Variants in RPRD2 observed in about 807,000 individuals in gnomAD.
RPRD2 encodes the protein regulation of nuclear pre-mRNA domain containing 2, also known as regulation of nuclear pre-mRNA domain-containing protein 2.
RPRD2 carries 12 observed loss-of-function variants against 104.4 expected under a neutral mutation model. The observed-to-expected ratio is 0.11, with a 90% CI of 0.07 to 0.19. The LOEUF is 0.19. RPRD2 is among the 10% of genes least tolerant of loss of function. RPRD2 has a pLI of 1.00. For missense variants in RPRD2, 1,543 were observed against 1,790.1 expected (o/e 0.86, Z 2.49); for synonymous variants, 714 against 684.9 (o/e 1.04, Z -0.66).
chr1:150,416,045 G>T (rs1553888504), intron 1 of RPRD2, among the ~76,000 whole-genome samples: 1 of 152,152 alleles, frequency 6.6e-6, no homozygotes, highest in African/African-American at 2.4e-5. Context: ...AGCATTGCGG[G>T]CCCAGGTGAA....
At chr1:150,404,922 C>T (rs1361891159) in intron 1 of RPRD2, among the ~76,000 whole-genome samples, 1 of 152,156 alleles carries the variant, frequency 6.6e-6, no homozygotes, top group Non-Finnish European at 1.5e-5. Flanking sequence ...TTATTAGTCC[C>T]TTGAATTCAG....
chr1:150,465,991 C>A (rs111536367), intron 10 of RPRD2, among the ~76,000 whole-genome samples: 6,533 of 130,702 alleles, frequency 0.05, 392 homozygotes, highest in African/African-American at 0.15. Context: ...CCAGCCTGGA[C>A]GACAGAGCAA....
chr1:150,412,732 A>G (rs1343826635), intron 1 of RPRD2, among the ~76,000 whole-genome samples: 4 of 152,130 alleles, frequency 2.6e-5, no homozygotes, highest in Non-Finnish European at 5.9e-5. Flanking sequence ...TAATTGGACA[A>G]TTTTGCATAT....
At chr1:150,366,246 T>G (rs1553877133) in intron 1 of RPRD2, among the ~76,000 whole-genome samples, 1 of 152,276 alleles carries the variant, frequency 6.6e-6, no homozygotes, top group Non-Finnish European at 1.5e-5. Context: ...TTATTCTGCC[T>G]TATTCCACTT....
intron 2 of RPRD2, among the ~76,000 whole-genome samples, chr1:150,439,690 A>G (rs1307193801): frequency 6.7e-6 from 1 of 148,530 alleles, no homozygotes; most frequent in African/African-American, 2.5e-5. Flanking sequence ...GAGAGGTTAC[A>G]TTCCTGTTTT....
intron 10 of RPRD2, among the ~76,000 whole-genome samples, chr1:150,467,715 G>A (rs1346602037): frequency 6.6e-6 from 1 of 152,106 alleles, no homozygotes; most frequent in Non-Finnish European, 1.5e-5. Context: ...ACAGAACTAG[G>A]TTCCTTATGG....
At chr1:150,386,698 G>A (rs1209345320) in intron 1 of RPRD2, among the ~76,000 whole-genome samples, 1 of 152,044 alleles carries the variant, frequency 6.6e-6, no homozygotes, top group Non-Finnish European at 1.5e-5. Flanking sequence ...TGAAAAATAT[G>A]AGAACCACAA....
Position 150,460,085 on chromosome 1 carries a change from A to G in RPRD2, c.1179A>G (p.Ala393=), listed in dbSNP as rs141722937. The stretch of plus-strand genomic sequence containing the variant: ...TCGAGGACAGGAAGGAAAAACCTGC[A>G]GAGAAGTCAGCTGTATCCACTTCTG... The part of the protein sequence containing the change: ...IIVEDRKEKP[A]EKSAVSTSVP... The change falls in exon 9 of 11, where the codon GCA becomes GCG. Residue 393 remains alanine, a synonymous_variant. Transcript: ENST00000369068. 2 of 1,614,004 alleles carry G rather than the reference A, an allele frequency of 1.2e-6. No homozygotes were observed. Among genetic ancestry groups the G allele is most frequent in the Non-Finnish European group, 1.7e-6 (2 of 1,179,866 alleles).
intron 4 of RPRD2, among the ~76,000 whole-genome samples, chr1:150,442,667 ATCT>A (rs1444877320): frequency 1.3e-5 from 2 of 152,210 alleles, no homozygotes; most frequent in Non-Finnish European, 2.9e-5. Flanking sequence ...GTCCTCAGAC[ATCT>A]TCTTGGTCAT....
At chr1:150,439,437 G>T (rs751555063) in intron 2 of RPRD2, among the ~76,000 whole-genome samples, 12 of 151,918 alleles carry the variant, frequency 7.9e-5, no homozygotes, top group Admixed American at 7.9e-4. Flanking sequence ...CCAAGATCAT[G>T]CCACCATAGT....
chr1:150,388,375 C>CGTATACACATGTGTATACGT (rs33946912), intron 1 of RPRD2, among the ~76,000 whole-genome samples: 1 of 142,962 alleles, frequency 7.0e-6, no homozygotes, highest in Non-Finnish European at 1.5e-5. Flanking sequence ...CATGTATACA[C>CGTATACACATGTGTATACGT]ATATACACGT....
chr1:150,459,159 T>C (rs1553898259), intron 8 of RPRD2, among the ~76,000 whole-genome samples: 1 of 152,224 alleles, frequency 6.6e-6, no homozygotes, highest in Admixed American at 6.5e-5. Flanking sequence ...GAATTGTTTC[T>C]CTTATATCCC....
At chr1:150,399,492 C>T (rs964088515) in intron 1 of RPRD2, among the ~76,000 whole-genome samples, 1 of 152,162 alleles carries the variant, frequency 6.6e-6, no homozygotes, top group African/African-American at 2.4e-5. Context: ...CGCGGTGGCT[C>T]ATGCCTGTAA....
At position 150,471,607 on chromosome 1, in the gene RPRD2, T is replaced by C; in HGVS notation, c.2659T>C (p.Ser887Pro). Residue 887 changes from serine (S) to proline (P), a missense_variant, in exon 11 of 11, where the codon TCT becomes CCT. Coordinates refer to ENST00000369068, the MANE Select transcript of RPRD2 (RefSeq NM_015203.5). The surrounding 1 kb of genome is among the most constrained non-coding windows in gnomAD (Gnocchi z 5.3). ...SHRAQEFGVK[S>P]AFPPSVRALL... ...CAGAGCCCAAGAATTTGGGGTAAAG[T>C]CTGCCTTCCCTCCATCTGTAAGGGC... The C allele has an allele frequency of 6.2e-7, 1 of 1,613,804 alleles. No individual in the cohort carries two copies. Among genetic ancestry groups the C allele is most frequent in the Non-Finnish European group, 8.5e-7 (1 of 1,179,860 alleles).
At chr1:150,373,600 G>A (rs1248678914) in intron 1 of RPRD2, among the ~76,000 whole-genome samples, 2 of 135,080 alleles carry the variant, frequency 1.5e-5, no homozygotes, top group Admixed American at 1.6e-4. Flanking sequence ...ATTGATATGG[G>A]GAAGGCTGTG....
At chr1:150,392,256 T>A (rs1315100050) in intron 1 of RPRD2, among the ~76,000 whole-genome samples, 1 of 151,834 alleles carries the variant, frequency 6.6e-6, no homozygotes, top group African/African-American at 2.4e-5. Flanking sequence ...CCTGTAATCC[T>A]AGCACTTGGG....
At chr1:150,398,386 C>A (rs587740118) in intron 1 of RPRD2, among the ~76,000 whole-genome samples, 1 of 151,628 alleles carries the variant, frequency 6.6e-6, no homozygotes, top group Non-Finnish European at 1.5e-5. Context: ...TTAGTAGAGA[C>A]GGGGTTTCAC....
Position 150,444,268 on chromosome 1 carries a change from A to G in RPRD2, c.585A>G (p.Glu195=), listed in dbSNP as rs140068986. 3.7e-3 allele frequency: 5,961 copies of G among 1,613,408 alleles called. 151 individuals are homozygous for G. In the African/African-American group the frequency reaches 0.058, roughly 16 times the overall value. Residue 195 remains glutamate (E), a synonymous_variant, in exon 6 of 11, where the codon GAA becomes GAG. Coordinates refer to ENST00000369068, the MANE Select transcript of RPRD2 (RefSeq NM_015203.5). The stretch of plus-strand genomic sequence containing the variant: ...GTGTTTAGTCTCAGGCCCTAATTGA[A>G]GAGCTGTTGCTATACAAGCGCTCAG... ...VAEFRSQALI[E]ELLLYKRSED...
At chr1:150,375,933 C>T (rs1356387686) in intron 1 of RPRD2, among the ~76,000 whole-genome samples, 3 of 152,120 alleles carry the variant, frequency 2.0e-5, no homozygotes, top group African/African-American at 7.2e-5. Context: ...AGTTGTGTTT[C>T]GTAGTGATTT....
Sources: gnomAD v4.1 joint callset for allele counts (sites outside exome capture counted in the v4.1 genomes callset) on GRCh38, gnomAD v4.1.1 for gene constraint, Gnocchi (gnomAD v3.1) non-coding constraint, MANE v1.5 for transcripts, NCBI Gene and HGNC (gene_info 2026-07-23, HGNC 2026-07-21) for gene names.